The following UGT1A7 variants were observed in gnomAD, a reference collection of about 807,000 sequenced individuals.
The protein encoded by UGT1A7 is UDP glucuronosyltransferase family 1 member A7, also known as UDP-glucuronosyltransferase 1A7.
UGT1A7 carries 33 observed loss-of-function variants against 45.6 expected under a neutral mutation model. The ratio of observed to expected loss-of-function variants is 0.72; its 90% CI spans 0.55 to 0.97. The LOEUF (loss-of-function observed/expected upper bound fraction) is 0.97. UGT1A7 is among the 50% of genes least tolerant of loss of function. UGT1A7 has a pLI of 0.00. For missense variants in UGT1A7, 684 were observed against 666.2 expected (o/e 1.03, Z -0.29); for synonymous variants, 274 against 250.6 (o/e 1.09, Z -0.88).
intron 1 of UGT1A7, chr2:233,747,330 C>A (rs896598113): frequency 4.4e-6 from 7 of 1,603,408 alleles, no homozygotes; most frequent in Non-Finnish European, 6.0e-6. Context: ...TTGATGGCAG[C>A]CACTGGCTCG....
Sources: allele counts gnomAD v4.1 joint callset, GRCh38; gene constraint gnomAD v4.1.1; transcripts MANE v1.5; gene names NCBI Gene and HGNC (gene_info 2026-07-23, HGNC 2026-07-21).